PLS1: variants seen among roughly 807,000 people sequenced by gnomAD.
PLS1 encodes the protein plastin-1.
A neutral mutation model predicts 73.7 loss-of-function variants in PLS1; 32 were observed. The ratio of observed to expected loss-of-function variants is 0.43; its 90% CI spans 0.33 to 0.58. The LOEUF is 0.58. PLS1 is among the 20% of genes least tolerant of loss of function. The probability of loss-of-function intolerance (pLI) is 0.04; values close to 1 mark genes in which losing one functional copy is unlikely to be tolerated. For missense variants in PLS1, 633 were observed against 740.5 expected (o/e 0.85, Z 1.68); for synonymous variants, 217 against 261.3 (o/e 0.83, Z 1.63).
chr3:142,636,985 A>G (rs1443061091), intron 1 of PLS1, among the ~76,000 whole-genome samples: 2 of 152,214 alleles, frequency 1.3e-5, no homozygotes, highest in Non-Finnish European at 2.9e-5. Flanking sequence ...TGGTATAATT[A>G]TTTTGGAAAG....
chr3:142,604,909 C>A (rs2035991918), intron 1 of PLS1, among the ~76,000 whole-genome samples: 1 of 149,302 alleles, frequency 6.7e-6, no homozygotes, highest in African/African-American at 2.5e-5. Context: ...CATCTCCAGC[C>A]TGGGCAGCAG....
At chr3:142,634,799 A>G (rs1172273585) in intron 1 of PLS1, among the ~76,000 whole-genome samples, 3 of 152,228 alleles carry the variant, frequency 2.0e-5, no homozygotes, top group Non-Finnish European at 4.4e-5. Context: ...ATGGTGCTAC[A>G]TGAGTAAACA....
intron 1 of PLS1, among the ~76,000 whole-genome samples, chr3:142,609,505 G>T (rs556160289): frequency 4.6e-5 from 7 of 152,306 alleles, no homozygotes; most frequent in Middle Eastern, 6.8e-3. Flanking sequence ...CTAGAACTAA[G>T]CTCATCACCC....
chr3:142,651,288 C>T (rs927641829), intron 1 of PLS1, among the ~76,000 whole-genome samples: 9 of 151,664 alleles, frequency 5.9e-5, no homozygotes, highest in African/African-American at 9.7e-5. Context: ...GATGAAACCC[C>T]GTCTCTACTA....
At chr3:142,629,606 G>A (rs1024951998) in intron 1 of PLS1, among the ~76,000 whole-genome samples, 1 of 152,154 alleles carries the variant, frequency 6.6e-6, no homozygotes, top group African/African-American at 2.4e-5. Context: ...AAGAACTGTC[G>A]GGAAGGATTA....
chr3:142,599,915 C>T (rs1048694618), intron 1 of PLS1, among the ~76,000 whole-genome samples: 8 of 152,066 alleles, frequency 5.3e-5, no homozygotes, highest in African/African-American at 1.4e-4. Context: ...TGCCACCATG[C>T]GTGGCTAATT....
At chr3:142,678,429 C>G (rs1238628214) in intron 6 of PLS1, among the ~76,000 whole-genome samples, 6 of 116,604 alleles carry the variant, frequency 5.1e-5, no homozygotes, top group Non-Finnish European at 1.0e-4. Flanking sequence ...CCCCTCCCCC[C>G]ACCCCACAAC....
intron 1 of PLS1, among the ~76,000 whole-genome samples, chr3:142,623,977 A>T (rs1305545563): frequency 1.3e-5 from 2 of 152,094 alleles, no homozygotes; most frequent in Non-Finnish European, 2.9e-5. Context: ...TGTGTGTATT[A>T]TTGCTTGGAA....
chr3:142,648,857 C>T (rs2037017141), intron 1 of PLS1, among the ~76,000 whole-genome samples: 1 of 152,146 alleles, frequency 6.6e-6, no homozygotes, highest in African/African-American at 2.4e-5. Context: ...TAGTGTGGGT[C>T]TTACTGAGAC....
chr3:142,708,041 T>C (rs77023036), intron 14 of PLS1, among the ~76,000 whole-genome samples: 1,626 of 152,226 alleles, frequency 0.011, 34 homozygotes, highest in African/African-American at 0.037. Flanking sequence ...TCTACTAAGA[T>C]TGTTGTTAGA....
At chr3:142,705,863 C>A (rs377533403) in intron 14 of PLS1, among the ~76,000 whole-genome samples, 2 of 152,150 alleles carry the variant, frequency 1.3e-5, no homozygotes, top group East Asian at 1.9e-4. Context: ...TTTCCACCCC[C>A]CCTTTTCTAT....
chr3:142,696,243 A>G (rs889626130), intron 11 of PLS1, among the ~76,000 whole-genome samples: 2 of 152,262 alleles, frequency 1.3e-5, no homozygotes, highest in African/African-American at 4.8e-5. Context: ...TGTCAGGAAC[A>G]CTAGAGTTCT....
At chr3:142,652,319 A>G (rs1277943604) in intron 1 of PLS1, among the ~76,000 whole-genome samples, 2 of 152,204 alleles carry the variant, frequency 1.3e-5, no homozygotes, top group Admixed American at 1.3e-4. Context: ...TCACCCCTAC[A>G]AATAGTTCCA....
intron 1 of PLS1, among the ~76,000 whole-genome samples, chr3:142,662,335 T>C (rs2037389028): frequency 6.6e-6 from 1 of 152,074 alleles, no homozygotes; most frequent in Non-Finnish European, 1.5e-5. Flanking sequence ...TCTCACTCTG[T>C]ATGTTCTCAC....
chr3:142,703,341 G>T (rs1243912294), intron 12 of PLS1, among the ~76,000 whole-genome samples: 2 of 146,730 alleles, frequency 1.4e-5, no homozygotes, highest in South Asian at 4.3e-4. Context: ...TGTTGCCCAG[G>T]CTAGAGGGCA....
At chr3:142,687,824 A>G (rs985406626) in intron 9 of PLS1, among the ~76,000 whole-genome samples, 4 of 152,148 alleles carry the variant, frequency 2.6e-5, no homozygotes, top group African/African-American at 4.8e-5. Context: ...AAATTACAAC[A>G]ATCTGTAACA....
chr3:142,685,205 G>T (rs1160994773), intron 8 of PLS1, among the ~76,000 whole-genome samples: 1 of 152,164 alleles, frequency 6.6e-6, no homozygotes, highest in South Asian at 2.1e-4. Flanking sequence ...TTATTTGGGA[G>T]ATTTCTCTTA....
At chr3:142,647,723 C>T (rs1341593059) in intron 1 of PLS1, among the ~76,000 whole-genome samples, 3 of 151,986 alleles carry the variant, frequency 2.0e-5, no homozygotes, top group Admixed American at 6.6e-5. Flanking sequence ...AGACTGGTCT[C>T]GAACTCCTGA....
intron 1 of PLS1, among the ~76,000 whole-genome samples, chr3:142,641,177 A>T (rs918851882): frequency 7.6e-5 from 10 of 132,208 alleles, no homozygotes; most frequent in Admixed American, 3.8e-4. Flanking sequence ...TATATATATT[A>T]TATATATATA....
Sources: allele counts gnomAD v4.1 joint callset (sites outside exome capture counted in the v4.1 genomes callset), GRCh38; gene constraint gnomAD v4.1.1; transcripts MANE v1.5; gene names NCBI Gene and HGNC (gene_info 2026-07-23, HGNC 2026-07-21).